The following ERBB4 variants were observed in gnomAD, a reference collection of about 807,000 sequenced individuals.
ERBB4 encodes the protein receptor tyrosine-protein kinase erbB-4.
ERBB4 carries 42 observed loss-of-function variants against 158.0 expected under a neutral mutation model. The ratio of observed to expected loss-of-function variants is 0.27; its 90% CI spans 0.21 to 0.34. The LOEUF is 0.34. Ranked by LOEUF, ERBB4 falls within the 10% of genes least tolerant of loss-of-function variation. The pLI is 1.00. For synonymous variants in ERBB4, 583 were observed against 558.7 expected, an observed-to-expected ratio of 1.04 and a Z score of -0.61; for missense variants, 1,333 against 1,624.1, an observed-to-expected ratio of 0.82 and a Z score of 3.08.
At chr2:212,058,582 C>T (rs528448657) in intron 2 of ERBB4, among the ~76,000 whole-genome samples, 36 of 152,150 alleles carry the variant, frequency 2.4e-4, no homozygotes, top group Non-Finnish European at 4.6e-4. Context: ...CATCAAAAAG[C>T]TTATCCACCA....
rs188755049 is a variant in ERBB4 at position 211,435,665 on chromosome 2, G to A, written c.2488-4565C>T. On this transcript the variant is annotated intron_variant, in intron 20 of 27. Coordinates refer to ENST00000342788, the MANE Select transcript of ERBB4 (RefSeq NM_005235.3). The stretch of plus-strand genomic sequence containing the variant: ...GAACCCAGTTGTGAACTGTGCATGC[G>A]AGCGATCTAGGTTGTGCACTCCTTA... 3.2e-4 allele frequency among the ~76,000 whole-genome samples: 48 copies of A among 152,268 alleles called. No homozygotes were observed. In the East Asian group the frequency reaches 6.8e-3, roughly 21 times the overall value.
chr2:211,839,158 G>GAGGAGC (rs2077411219), intron 3 of ERBB4, among the ~76,000 whole-genome samples: 1 of 38,506 alleles, frequency 2.6e-5, no homozygotes, highest in Non-Finnish European at 6.6e-5. Context: ...AGAGAAGGAG[G>GAGGAGC]AGGAGGAGGA....
intron 21 of ERBB4, among the ~76,000 whole-genome samples, chr2:211,430,462 T>A (rs1574475872): frequency 6.6e-6 from 1 of 152,052 alleles, no homozygotes; most frequent in Non-Finnish European, 1.5e-5. Context: ...GACTAGAGGG[T>A]CAGAAAAGGT....
At chr2:211,872,003 T>A (rs1354793374) in intron 3 of ERBB4, among the ~76,000 whole-genome samples, 1 of 152,114 alleles carries the variant, frequency 6.6e-6, no homozygotes, top group Non-Finnish European at 1.5e-5. Context: ...AATCACCAGA[T>A]TAAATAAGCA....
chr2:212,508,424 G>C (rs1158882475), intron 1 of ERBB4, among the ~76,000 whole-genome samples: 1 of 152,092 alleles, frequency 6.6e-6, no homozygotes, highest in Non-Finnish European at 1.5e-5. Context: ...ATGGGTTTAT[G>C]CATTGTGTTA....
chr2:212,278,916 A>G (rs576154984), intron 1 of ERBB4, among the ~76,000 whole-genome samples: 2 of 151,710 alleles, frequency 1.3e-5, no homozygotes, highest in South Asian at 4.1e-4. Flanking sequence ...GATCTGTGTC[A>G]GAGGTAAAGT....
At chr2:211,696,058 CCTCCCT>C (rs1559428042) in intron 12 of ERBB4, among the ~76,000 whole-genome samples, 1 of 117,248 alleles carries the variant, frequency 8.5e-6, no homozygotes, top group African/African-American at 3.3e-5. Context: ...TCCCCCCCTC[CCTCCCT>C]CCCTCCTTCC....
At chr2:212,469,100 CTT>C (rs1360967742) in intron 1 of ERBB4, among the ~76,000 whole-genome samples, 3 of 152,036 alleles carry the variant, frequency 2.0e-5, no homozygotes, top group African/African-American at 7.2e-5. Flanking sequence ...AGATTTCTTT[CTT>C]TATATCATTT....
intron 3 of ERBB4, among the ~76,000 whole-genome samples, chr2:211,791,384 C>A (rs1178327096): frequency 6.6e-6 from 1 of 151,804 alleles, no homozygotes; most frequent in Non-Finnish European, 1.5e-5. Context: ...CTGTGTTATA[C>A]CAACCAACAG....
At chr2:211,688,099 T>A (rs1157572154) in intron 12 of ERBB4, among the ~76,000 whole-genome samples, 1 of 152,188 alleles carries the variant, frequency 6.6e-6, no homozygotes. Context: ...ATTGTTACTA[T>A]TTTCGATTTA....
At chr2:211,899,883 A>T (rs1412782182) in intron 3 of ERBB4, among the ~76,000 whole-genome samples, 1 of 152,192 alleles carries the variant, frequency 6.6e-6, no homozygotes, top group African/African-American at 2.4e-5. Context: ...ATAAAATGCT[A>T]TATTATTGAT....
chr2:212,075,237 A>G (rs923495309), intron 2 of ERBB4, among the ~76,000 whole-genome samples: 1 of 151,994 alleles, frequency 6.6e-6, no homozygotes, highest in African/African-American at 2.4e-5. Context: ...CAATTCTCAT[A>G]CACAAGACAA....
At chr2:211,905,681 T>TATATATAG (rs1480195605) in intron 3 of ERBB4, among the ~76,000 whole-genome samples, 1 of 110,668 alleles carries the variant, frequency 9.0e-6, no homozygotes, top group African/African-American at 3.9e-5. Context: ...TATATATATA[T>TATATATAG]ACACACATAT....
intron 25 of ERBB4, among the ~76,000 whole-genome samples, chr2:211,391,495 C>A (rs1387418731): frequency 6.6e-6 from 1 of 151,960 alleles, no homozygotes; most frequent in Admixed American, 6.6e-5. Flanking sequence ...TAGAAAGAGG[C>A]GGGTTAGGAA....
chr2:212,275,845 A>G (rs968270598), intron 1 of ERBB4, among the ~76,000 whole-genome samples: 2 of 151,894 alleles, frequency 1.3e-5, no homozygotes, highest in Admixed American at 1.3e-4. Context: ...CTTAAATTTA[A>G]ACGGGCTAAA....
intron 20 of ERBB4, among the ~76,000 whole-genome samples, chr2:211,532,153 G>GC (rs1553560924): frequency 4.0e-5 from 6 of 149,368 alleles, no homozygotes; most frequent in South Asian, 2.1e-4. Context: ...AAGGGTTGTG[G>GC]GGGGGGAAAG....
At chr2:211,967,664 T>C (rs529614470) in intron 2 of ERBB4, among the ~76,000 whole-genome samples, 4 of 152,130 alleles carry the variant, frequency 2.6e-5, no homozygotes, top group Admixed American at 2.0e-4. Flanking sequence ...GCAGGTTATT[T>C]TGAAGATTAT....
intron 1 of ERBB4, among the ~76,000 whole-genome samples, chr2:212,447,643 T>C (rs1160418043): frequency 6.6e-6 from 1 of 152,150 alleles, no homozygotes; most frequent in Non-Finnish European, 1.5e-5. Context: ...ATGATAGAGG[T>C]TTAAGAATTA....
chr2:211,979,906 C>T (rs1311732327), intron 2 of ERBB4, among the ~76,000 whole-genome samples: 3 of 152,140 alleles, frequency 2.0e-5, no homozygotes, highest in Non-Finnish European at 4.4e-5. Flanking sequence ...CACATAGTTA[C>T]TGAACCTCCA....
Sources: gnomAD v4.1 joint callset for allele counts (sites outside exome capture counted in the v4.1 genomes callset) on GRCh38, gnomAD v4.1.1 for gene constraint, MANE v1.5 for transcripts, NCBI Gene and HGNC (gene_info 2026-07-23, HGNC 2026-07-21) for gene names.